The following KLHL9 variants were observed in gnomAD, a reference collection of about 807,000 sequenced individuals.
The protein encoded by KLHL9 is kelch-like protein 9.
KLHL9 carries 27 observed loss-of-function variants against 42.3 expected under a neutral mutation model. The ratio of observed to expected loss-of-function variants is 0.64; its 90% CI spans 0.47 to 0.88. The LOEUF (loss-of-function observed/expected upper bound fraction) is 0.88. Among genes scored for constraint, KLHL9 ranks in the 40% least tolerant of loss-of-function variants. The pLI is 0.00. For missense variants in KLHL9, 629 were observed against 750.3 expected (o/e 0.84, Z 1.89); for synonymous variants, 274 against 254.4 (o/e 1.08, Z -0.73).
At position 21,332,978 on chromosome 9, in the gene KLHL9, C is replaced by G; in HGVS notation, c.*28G>C. 6.2e-7 allele frequency: 1 copy of G among 1,613,752 alleles called. No homozygotes were observed. The highest frequency in any genetic ancestry group is 8.5e-7 in the Non-Finnish European group (1 of 1,179,766). On this transcript the variant is annotated 3_prime_UTR_variant, in exon 1 of 1. Transcript: ENST00000359039. ...AGGGGAAGTATTAGATCACCCATGACGTACTGCAAAGGTGTTACACCTTAG... is the reference window on the plus strand; with the variant it reads ...AGGGGAAGTATTAGATCACCCATGAGGTACTGCAAAGGTGTTACACCTTAG...
chr9:21,333,691 G>A lies in KLHL9; in HGVS notation c.1169C>T (p.Thr390Ile). Reference sequence around the variant, plus strand: ...TTTGAGGGCACTCAAGTGAAAGAATGTGCGCTTTTCATTTAATGATGCAAC... The same window carrying A: ...TTTGAGGGCACTCAAGTGAAAGAATATGCGCTTTTCATTTAATGATGCAAC... ...MQVASLNEKR[T>I]FFHLSALKGH... The change falls in exon 1 of 1, where the codon ACA (threonine) becomes ATA (isoleucine). Residue 390 changes from threonine to isoleucine, a missense_variant. By Grantham distance (89) the Thr-to-Ile change is moderately conservative (BLOSUM62 -1). Transcript: ENST00000359039. This position sits in a 1 kb window ranked among gnomAD's most constrained non-coding sequence, Gnocchi z 7.5. 1 of 1,614,206 alleles carries A rather than the reference G, an allele frequency of 6.2e-7. No homozygotes were observed. Among genetic ancestry groups the A allele is most frequent in the Non-Finnish European group, 8.5e-7 (1 of 1,180,040 alleles).
At position 21,333,530 on chromosome 9, in the gene KLHL9, A is replaced by AT. The variant is rs757312612; in HGVS notation, c.1329dup (p.Tyr444IlefsTer14). ...CCTGAAATATACATTAAGCCTCCATATACTGTTCCAGCATGACCATAGTGG... is the reference window on the plus strand; with the variant it reads ...CCTGAAATATACATTAAGCCTCCATATTACTGTTCCAGCATGACCATAGTGG... On this transcript the variant is annotated frameshift_variant, in exon 1 of 1. Coordinates refer to ENST00000359039, the MANE Select transcript of KLHL9 (RefSeq NM_018847.4). LOFTEE classifies it high-confidence loss of function. The surrounding 1 kb of genome is among the most constrained non-coding windows in gnomAD (Gnocchi z 7.5). The AT allele has an allele frequency of 6.2e-7, 1 of 1,614,190 alleles. No individual in the cohort carries two copies. Among genetic ancestry groups the AT allele is most frequent in the South Asian group, 1.1e-5 (1 of 91,086 alleles).
In KLHL9 at chr9:21,334,942, G is replaced by A; in HGVS notation, c.-83C>T. ...TGTTTTACAGGTAACGAGGTGTCCA[G>A]AAAGAACAGAAAGCTCGTTTCCTTA... On this transcript the variant is annotated 5_prime_UTR_variant, in exon 1 of 1. Coordinates refer to ENST00000359039, the MANE Select transcript of KLHL9 (RefSeq NM_018847.4). The surrounding 1 kb of genome is among the most constrained non-coding windows in gnomAD (Gnocchi z 5.1). 6.4e-7 allele frequency: 1 copy of A among 1,565,436 alleles called. No individual in the cohort carries two copies.
Position 21,333,258 on chromosome 9 carries a change from G to C in KLHL9, c.1602C>G (p.Gly534=). The change falls in exon 1 of 1, where the codon GGC becomes GGG. Residue 534 remains glycine (G), a synonymous_variant. Coordinates refer to ENST00000359039, the MANE Select transcript of KLHL9 (RefSeq NM_018847.4). The surrounding 1 kb of genome is among the most constrained non-coding windows in gnomAD (Gnocchi z 7.5). ...QWTPIAAMLR[G]QSDVGVAVFE... ...AGACGGCAACTCCAACATCACTTTG[G>C]CCTCTTAACATGGCGGCAATTGGGG... 1 of 1,613,968 alleles carries C rather than the reference G, an allele frequency of 6.2e-7. No individual in the cohort carries two copies. Among genetic ancestry groups the C allele is most frequent in the Non-Finnish European group, 8.5e-7 (1 of 1,179,908 alleles).
rs755713393 is a variant in KLHL9 at position 21,334,497 on chromosome 9, A to T, written c.363T>A (p.Asn121Lys). ...YTAKLSLNMD[N>K]LQDTLEAASF... ...TAGCAGCTTCAAGTGTGTCCTGAAG[A>T]TTGTCCATATTAAGAGAAAGTTTTG... is the stretch of plus-strand genomic sequence containing the variant. The change falls in exon 1 of 1, where the codon AAT (asparagine) becomes AAA (lysine). Residue 121 changes from asparagine to lysine, a missense_variant. Asn to Lys is a moderately conservative substitution (Grantham distance 94). Coordinates refer to ENST00000359039, the MANE Select transcript of KLHL9 (RefSeq NM_018847.4). This position sits in a 1 kb window ranked among gnomAD's most constrained non-coding sequence, Gnocchi z 5.1. 6.2e-7 allele frequency: 1 copy of T among 1,614,106 alleles called. No homozygotes were observed. Among genetic ancestry groups the T allele is most frequent in the Non-Finnish European group, 8.5e-7 (1 of 1,179,982 alleles).
In KLHL9 at chr9:21,335,119, G is replaced by A. The variant is rs1393579174; in HGVS notation, c.-260C>T. The A allele has an allele frequency of 3.7e-6, 2 of 546,772 alleles. No homozygotes were observed. Among genetic ancestry groups the A allele is most frequent in the African/African-American group, 3.8e-5 (2 of 52,078 alleles). The allele number at this position is 546,772 out of a possible 1,614,324, so 33.9% of individuals were successfully genotyped here. A position where few individuals can be genotyped will look rare whatever the true frequency, so the allele number is the denominator to read the frequency against. On this transcript the variant is annotated 5_prime_UTR_variant, in exon 1 of 1. Transcript: ENST00000359039. ...CACCTGAAGGCGGTTAAATGACCTG[G>A]TTCACCTCGTCCGGCCTGCGCTGCC...
Position 21,334,473 on chromosome 9 carries a change from A to G in KLHL9, c.387T>C (p.Ala129=). ...AAACGGGTAATATTTGTAAAAAGCT[A>G]GCAGCTTCAAGTGTGTCCTGAAGAT... ...MDNLQDTLEA[A]SFLQILPVLD... is the part of the protein sequence containing the mutation. Residue 129 remains alanine, a synonymous_variant, in exon 1 of 1, where the codon GCT becomes GCC. Transcript: ENST00000359039. This position sits in a 1 kb window ranked among gnomAD's most constrained non-coding sequence, Gnocchi z 5.1. The G allele has an allele frequency of 6.2e-7, 1 of 1,613,922 alleles. No individual in the cohort carries two copies. Among genetic ancestry groups the G allele is most frequent in the Admixed American group, 1.7e-5 (1 of 60,024 alleles).
Position 21,335,011 on chromosome 9 carries a change from T to A in KLHL9, c.-152A>T. 1.9e-6 allele frequency: 2 copies of A among 1,054,800 alleles called. No individual in the cohort carries two copies. The highest frequency in any genetic ancestry group is 2.7e-6 in the Non-Finnish European group (2 of 739,382). The allele number at this position is 1,054,800 out of a possible 1,614,324, so 65.3% of individuals were successfully genotyped here. Reference sequence around the variant, plus strand: ...TGCGGCACCCCTCGGGCCACGCCAGTCAGTCATCCACTGAAAATCACCCTG... The same window carrying A: ...TGCGGCACCCCTCGGGCCACGCCAGACAGTCATCCACTGAAAATCACCCTG... On this transcript the variant is annotated 5_prime_UTR_variant, in exon 1 of 1. Coordinates refer to ENST00000359039, the MANE Select transcript of KLHL9 (RefSeq NM_018847.4).
chr9:21,332,819 A>T lies in KLHL9; in HGVS notation c.*187T>A. The T allele has an allele frequency of 2.5e-6, 2 of 812,936 alleles. No homozygotes were observed. The highest frequency in any genetic ancestry group is 3.6e-6 in the Non-Finnish European group (2 of 555,658). The allele number at this position is 812,936 out of a possible 1,614,324, so 50.4% of individuals were successfully genotyped here. On this transcript the variant is annotated 3_prime_UTR_variant, in exon 1 of 1. Transcript: ENST00000359039. Reference sequence around the variant, plus strand: ...ACGTCTTTTTTTCATTTGTTAAAACAGCTATGTTAAATACATTTTCAGAAT... The same window carrying T: ...ACGTCTTTTTTTCATTTGTTAAAACTGCTATGTTAAATACATTTTCAGAAT...
At position 21,333,461 on chromosome 9, in the gene KLHL9, CA is replaced by C; in HGVS notation, c.1398del (p.Phe466LeufsTer14). 6.2e-7 allele frequency: 1 copy of C among 1,614,184 alleles called. No homozygotes were observed. Among genetic ancestry groups the C allele is most frequent in the South Asian group, 1.1e-5 (1 of 91,086 alleles). Reference sequence around the variant, plus strand: ...TGCATCCATTTATCTGTATCTGGGTCAAAACACATGAGCTCATTTTGGAAAG... The same window carrying C: ...TGCATCCATTTATCTGTATCTGGGTCAAACACATGAGCTCATTTTGGAAAG... Reference protein sequence around the residue: ...HDTFQNELMCFDPDTDKWMQK... With the variant: ...HDTFQNELMCXDPDTDKWMQK... On this transcript the variant is annotated frameshift_variant, in exon 1 of 1. Transcript: ENST00000359039. LOFTEE classifies it high-confidence loss of function. This position sits in a 1 kb window ranked among gnomAD's most constrained non-coding sequence, Gnocchi z 7.5.
chr9:21,332,489 C>T lies in KLHL9; in HGVS notation c.*517G>A, dbSNP rs753770826. On this transcript the variant is annotated 3_prime_UTR_variant, in exon 1 of 1. Coordinates refer to ENST00000359039, the MANE Select transcript of KLHL9 (RefSeq NM_018847.4). ...AGAGATACCAAATACTGGCTTGGTG[C>T]TATACTGTTTTTTCCTAGTTAATAT... 2 of 160,760 alleles carry T rather than the reference C, an allele frequency of 1.2e-5. No individual in the cohort carries two copies. Among genetic ancestry groups the T allele is most frequent in the Non-Finnish European group, 2.7e-5 (2 of 72,836 alleles). The allele number at this position is 160,760 out of a possible 1,614,324, so 10.0% of individuals were successfully genotyped here. A position where few individuals can be genotyped will look rare whatever the true frequency, so the allele number is the denominator to read the frequency against.
Position 21,334,931 on chromosome 9 carries a change from C to G in KLHL9, c.-72G>C. ...TATAACCGGAATGTTTTACAGGTAACGAGGTGTCCAGAAAGAACAGAAAGC... is the reference window on the plus strand; with the variant it reads ...TATAACCGGAATGTTTTACAGGTAAGGAGGTGTCCAGAAAGAACAGAAAGC... On this transcript the variant is annotated 5_prime_UTR_variant, in exon 1 of 1. Coordinates refer to ENST00000359039, the MANE Select transcript of KLHL9 (RefSeq NM_018847.4). The surrounding 1 kb of genome is among the most constrained non-coding windows in gnomAD (Gnocchi z 5.1). 2 of 1,592,862 alleles carry G rather than the reference C, an allele frequency of 1.3e-6. No homozygotes were observed. The highest frequency in any genetic ancestry group is 1.7e-6 in the Non-Finnish European group (2 of 1,171,990).
chr9:21,333,015 A>T lies in KLHL9; in HGVS notation c.1845T>A (p.Asp615Glu). The T allele has an allele frequency of 6.2e-7, 1 of 1,614,082 alleles. No homozygotes were observed. The highest frequency in any genetic ancestry group is 8.5e-7 in the Non-Finnish European group (1 of 1,179,914). The stretch of plus-strand genomic sequence containing the variant: ...GTGTTACACCTTAGACCTAAGAATG[A>T]TCTGAAGGTGCTGAAAGAGGTGATT... Reference protein sequence around the residue: ...SRESPLSAPSDHS With the variant: ...SRESPLSAPSEHS Residue 615 changes from aspartate to glutamate, a missense_variant, in exon 1 of 1, where the codon GAT (aspartate) becomes GAA (glutamate). Physicochemically the swap from Asp to Glu is conservative, Grantham distance 45. Coordinates refer to ENST00000359039, the MANE Select transcript of KLHL9 (RefSeq NM_018847.4). The surrounding 1 kb of genome is among the most constrained non-coding windows in gnomAD (Gnocchi z 7.5).
In KLHL9 at chr9:21,333,859, T is replaced by A. The variant is rs1820217210; in HGVS notation, c.1001A>T (p.Asp334Val). 3.1e-6 allele frequency: 5 copies of A among 1,613,792 alleles called. No individual in the cohort carries two copies. The change falls in exon 1 of 1, where the codon GAT becomes GTT. Residue 334 changes from aspartate (D) to valine (V), a missense_variant. By Grantham distance (152) the Asp-to-Val change is radical. Around this residue, in one of 4 missense-constraint regions of KLHL9, gnomAD observed 214 missense variants for 305.8 expected, o/e 0.70. Transcript: ENST00000359039. This position sits in a 1 kb window ranked among gnomAD's most constrained non-coding sequence, Gnocchi z 7.5. ...AQEWRSLAPM[D>V]APRYQHGIAV... ...AATACCATGCTGGTAACGGGGAGCA[T>A]CCATTGGGGCTAAAGATCTCCATTC...
In KLHL9 at chr9:21,334,509, A is replaced by T; in HGVS notation, c.351T>A (p.Leu117=). The T allele has an allele frequency of 6.2e-7, 1 of 1,614,134 alleles. No homozygotes were observed. Among genetic ancestry groups the T allele is most frequent in the Non-Finnish European group, 8.5e-7 (1 of 1,180,010 alleles). ...IDFIYTAKLS[L]NMDNLQDTLE... ...GTGTGTCCTGAAGATTGTCCATATTAAGAGAAAGTTTTGCAGTATAAATAA... is the reference window on the plus strand; with the variant it reads ...GTGTGTCCTGAAGATTGTCCATATTTAGAGAAAGTTTTGCAGTATAAATAA... The change falls in exon 1 of 1, where the codon CTT becomes CTA. Residue 117 remains leucine, a synonymous_variant. Transcript: ENST00000359039. The surrounding 1 kb of genome is among the most constrained non-coding windows in gnomAD (Gnocchi z 5.1).
rs771272292 is a variant in KLHL9 at position 21,334,522 on chromosome 9, G to T, written c.338C>A (p.Ala113Glu). Reference sequence around the variant, plus strand: ...ATTGTCCATATTAAGAGAAAGTTTTGCAGTATAAATAAAATCAATGATTTT... The same window carrying T: ...ATTGTCCATATTAAGAGAAAGTTTTTCAGTATAAATAAAATCAATGATTTT... Reference protein sequence around the residue: ...LKKIIDFIYTAKLSLNMDNLQ... With the variant: ...LKKIIDFIYTEKLSLNMDNLQ... The change falls in exon 1 of 1, where the codon GCA (alanine) becomes GAA (glutamate). Residue 113 changes from alanine to glutamate, a missense_variant. Physicochemically the swap from Ala to Glu is moderately radical, Grantham distance 107 (BLOSUM62 -1). Transcript: ENST00000359039. The surrounding 1 kb of genome is among the most constrained non-coding windows in gnomAD (Gnocchi z 5.1). 6.2e-7 allele frequency: 1 copy of T among 1,613,972 alleles called. No individual in the cohort carries two copies. Among genetic ancestry groups the T allele is most frequent in the African/African-American group, 1.3e-5 (1 of 74,906 alleles).
chr9:21,333,335 A>G lies in KLHL9; in HGVS notation c.1525T>C (p.Tyr509His). ...GGNHFRGTSD[Y>H]DDVLSCEYYS... ...TATTCACAGCTTAGAACATCATCAT[A>G]ATCACTTGTTCCTCTGAAGTGATTG... Residue 509 changes from tyrosine (Y) to histidine (H), a missense_variant, in exon 1 of 1, where the codon TAT becomes CAT. Physicochemically the swap from Tyr to His is moderately conservative, Grantham distance 83. This residue lies in a region of KLHL9 where 214 missense variants were observed against 305.8 expected (regional missense o/e 0.70). Transcript: ENST00000359039. The surrounding 1 kb of genome is among the most constrained non-coding windows in gnomAD (Gnocchi z 7.5). The G allele has an allele frequency of 6.2e-7, 1 of 1,614,198 alleles. No homozygotes were observed. The highest frequency in any genetic ancestry group is 8.5e-7 in the Non-Finnish European group (1 of 1,180,038).
At position 21,330,681 on chromosome 9, in the gene KLHL9, C is replaced by A. The variant is rs1200346078; in HGVS notation, c.*2325G>T. On this transcript the variant is annotated 3_prime_UTR_variant, in exon 1 of 1. Coordinates refer to ENST00000359039, the MANE Select transcript of KLHL9 (RefSeq NM_018847.4). ...ACAAAATAGAGGCAGGGCAGTATCA[C>A]CTTGATATGTCAGAATAAGCACTGA... 6.6e-6 allele frequency: 1 copy of A among 152,056 alleles called. No individual in the cohort carries two copies. Among genetic ancestry groups the A allele is most frequent in the Non-Finnish European group, 1.5e-5 (1 of 68,020 alleles). 9.4% of individuals were successfully genotyped at this position (152,056 alleles called of 1,614,324 possible). A position where few individuals can be genotyped will look rare whatever the true frequency, so the allele number is the denominator to read the frequency against.
At position 21,334,598 on chromosome 9, in the gene KLHL9, G is replaced by T; in HGVS notation, c.262C>A (p.Gln88Lys). 1 of 1,614,116 alleles carries T rather than the reference G, an allele frequency of 6.2e-7. No homozygotes were observed. The highest frequency in any genetic ancestry group is 8.5e-7 in the Non-Finnish European group (1 of 1,180,006). The part of the protein sequence containing the change: ...KAMFTGGMKE[Q>K]DLMCIKLHGV... ...TGAAGCTTAATGCACATCAAATCTT[G>T]TTCTTTCATTCCACCTGTGAACATG... The change falls in exon 1 of 1, where the codon CAA (glutamine) becomes AAA (lysine). Residue 88 changes from glutamine (Q) to lysine (K), a missense_variant. Gln to Lys is a moderately conservative substitution (Grantham distance 53). This residue lies in a region of KLHL9 where 351 missense variants were observed against 363.1 expected (regional missense o/e 0.97). Coordinates refer to ENST00000359039, the MANE Select transcript of KLHL9 (RefSeq NM_018847.4). The surrounding 1 kb of genome is among the most constrained non-coding windows in gnomAD (Gnocchi z 5.1).
Sources: allele counts gnomAD v4.1 joint callset, GRCh38; gene constraint gnomAD v4.1.1; regional missense constraint gnomAD v4.1.1; non-coding constraint Gnocchi (gnomAD v3.1); transcripts MANE v1.5; gene names NCBI Gene and HGNC (gene_info 2026-07-23, HGNC 2026-07-21).